PPARGC1A: variants seen among roughly 807,000 people sequenced by gnomAD.
PPARGC1A encodes the protein PPARG coactivator 1 alpha, also known as peroxisome proliferator-activated receptor gamma coactivator 1-alpha.
A neutral mutation model predicts 88.7 loss-of-function variants in PPARGC1A; 25 were observed. The observed-to-expected ratio is 0.28, with a 90% CI of 0.21 to 0.39. The LOEUF (loss-of-function observed/expected upper bound fraction) is 0.39, where lower values mean the gene tolerates loss of function less well. PPARGC1A is among the 10% of genes least tolerant of loss of function. The probability of loss-of-function intolerance (pLI) is 1.00; values close to 1 mark genes in which losing one functional copy is unlikely to be tolerated. For synonymous variants in PPARGC1A, 363 were observed against 355.6 expected, an observed-to-expected ratio of 1.02 and a Z score of -0.24; for missense variants, 880 against 968.7, an observed-to-expected ratio of 0.91 and a Z score of 1.22.
chr4:24,396,742 T>C, the PPARGC1A span, among the ~76,000 whole-genome samples: 3 of 152,130 alleles, frequency 2.0e-5, no homozygotes, highest in African/African-American at 7.2e-5. Context: ...ACACAGCATC[T>C]AACCCTCTCC....
At chr4:23,911,453 A>T in the PPARGC1A span, among the ~76,000 whole-genome samples, 11 of 152,298 alleles carry the variant, frequency 7.2e-5, no homozygotes, top group South Asian at 2.1e-3. Context: ...ATGACCTGAG[A>T]TCTTGAGATG....
At chr4:24,395,534 G>T in the PPARGC1A span, among the ~76,000 whole-genome samples, 1 of 152,210 alleles carries the variant, frequency 6.6e-6, no homozygotes, top group Non-Finnish European at 1.5e-5. Flanking sequence ...GCTCCTCCTG[G>T]ACATTAATAA....
the PPARGC1A span, among the ~76,000 whole-genome samples, chr4:24,054,228 A>G: frequency 6.7e-6 from 1 of 149,970 alleles, no homozygotes; most frequent in African/African-American, 2.5e-5. Context: ...GCTCATTTTT[A>G]TATGTGCATT....
chr4:23,878,882 C>T (rs1038480265), intron 2 of PPARGC1A, among the ~76,000 whole-genome samples: 1 of 152,162 alleles, frequency 6.6e-6, no homozygotes, highest in African/African-American at 2.4e-5. Context: ...TAAAATACTC[C>T]ATAAGTCTCC....
chr4:24,357,110 C>T, the PPARGC1A span, among the ~76,000 whole-genome samples: 2 of 152,220 alleles, frequency 1.3e-5, no homozygotes, highest in African/African-American at 4.8e-5. Flanking sequence ...AGGTTCCCAG[C>T]CTGAGCGTTC....
At chr4:23,800,844 G>A (rs1718538366) in intron 12 of PPARGC1A, among the ~76,000 whole-genome samples, 1 of 151,670 alleles carries the variant, frequency 6.6e-6, no homozygotes, top group Admixed American at 6.6e-5. Flanking sequence ...CTGTAAAATG[G>A]GGATGATAGT....
chr4:24,084,033 A>G, the PPARGC1A span, among the ~76,000 whole-genome samples: 1 of 152,222 alleles, frequency 6.6e-6, no homozygotes, highest in African/African-American at 2.4e-5. Flanking sequence ...AGCAAGTTTA[A>G]GTAACATGCT....
At chr4:24,444,035 G>A in the PPARGC1A span, among the ~76,000 whole-genome samples, 3 of 151,930 alleles carry the variant, frequency 2.0e-5, no homozygotes, top group Non-Finnish European at 4.4e-5. Context: ...CGTCGTTGTT[G>A]TTGTTATTGT....
the PPARGC1A span, among the ~76,000 whole-genome samples, chr4:24,244,114 C>G: frequency 6.6e-6 from 1 of 152,182 alleles, no homozygotes; most frequent in Non-Finnish European, 1.5e-5. Context: ...TTTTCTCTTC[C>G]AGGCCCCTCA....
the PPARGC1A span, among the ~76,000 whole-genome samples, chr4:24,419,438 C>A: frequency 6.9e-6 from 1 of 144,472 alleles, no homozygotes; most frequent in South Asian, 2.4e-4. Context: ...TAATCCCCTT[C>A]CCCTTAGCAG....
the PPARGC1A span, among the ~76,000 whole-genome samples, chr4:24,023,767 T>C: frequency 6.6e-6 from 1 of 152,142 alleles, no homozygotes. Flanking sequence ...CACACAGGGA[T>C]TCTGTCCAGA....
At chr4:24,140,989 G>A in the PPARGC1A span, among the ~76,000 whole-genome samples, 53,745 of 152,018 alleles carry the variant, frequency 0.35, 11,515 homozygotes, top group African/African-American at 0.59. Flanking sequence ...GTCTCAAATA[G>A]TTCTCCAGAT....
At chr4:24,153,965 T>TC in the PPARGC1A span, among the ~76,000 whole-genome samples, 20 of 151,352 alleles carry the variant, frequency 1.3e-4, no homozygotes, top group African/African-American at 4.9e-4. Flanking sequence ...GAGAAGAGAG[T>TC]ACAGGACAAA....
chr4:24,315,424 C>G, the PPARGC1A span, among the ~76,000 whole-genome samples: 1 of 152,154 alleles, frequency 6.6e-6, no homozygotes, highest in African/African-American at 2.4e-5. Context: ...GTGTTTTATG[C>G]ATAGCGTTAG....
the PPARGC1A span, among the ~76,000 whole-genome samples, chr4:24,433,820 A>G: frequency 6.6e-6 from 1 of 152,110 alleles, no homozygotes; most frequent in South Asian, 2.1e-4. Flanking sequence ...CCCGATTTTT[A>G]TTGCTGAAAC....
At chr4:23,808,079 G>A (rs1185096672) in intron 10 of PPARGC1A, among the ~76,000 whole-genome samples, 1 of 151,860 alleles carries the variant, frequency 6.6e-6, no homozygotes, top group Non-Finnish European at 1.5e-5. Context: ...GTGAAACCCC[G>A]TCTCTACTAA....
At chr4:23,802,660 G>C in intron 10 of PPARGC1A, among the ~76,000 whole-genome samples, 1 of 126,216 alleles carries the variant, frequency 7.9e-6, no homozygotes, top group Non-Finnish European at 1.6e-5. Context: ...ATGGGCGAGA[G>C]AGCGAGACTC....
At chr4:24,434,333 C>T in the PPARGC1A span, among the ~76,000 whole-genome samples, 1 of 152,264 alleles carries the variant, frequency 6.6e-6, no homozygotes, top group South Asian at 2.1e-4. Flanking sequence ...AGCTTTTCAT[C>T]ATGAGCTGAT....
At chr4:24,211,541 G>A in the PPARGC1A span, among the ~76,000 whole-genome samples, 1 of 152,134 alleles carries the variant, frequency 6.6e-6, no homozygotes, top group Non-Finnish European at 1.5e-5. Context: ...GTGCGTGCAT[G>A]GCTAGTATAT....
Sources: allele counts gnomAD v4.1 joint callset (sites outside exome capture counted in the v4.1 genomes callset), GRCh38; gene constraint gnomAD v4.1.1; transcripts MANE v1.5; gene names NCBI Gene and HGNC (gene_info 2026-07-23, HGNC 2026-07-21).